CLEC3B: variants seen among roughly 807,000 people sequenced by gnomAD.
The protein encoded by CLEC3B is tetranectin.
In CLEC3B, 13 loss-of-function variants were observed where a neutral mutation model predicts 15.4. That is an observed-to-expected ratio of 0.84 (90% CI 0.55 to 1.34). The LOEUF is 1.34. Among genes scored for constraint, CLEC3B ranks in the 40% most tolerant of loss-of-function variants. The probability of loss-of-function intolerance (pLI) is 0.00; values close to 1 mark genes in which losing one functional copy is unlikely to be tolerated. For synonymous variants in CLEC3B, 112 were observed against 114.7 expected, an observed-to-expected ratio of 0.98 and a Z score of 0.15; for missense variants, 242 against 268.6, an observed-to-expected ratio of 0.90 and a Z score of 0.69.
intron 1 of CLEC3B, among the ~76,000 whole-genome samples, chr3:45,027,453 TC>T (rs1050729928): frequency 2.6e-5 from 4 of 152,182 alleles, no homozygotes; most frequent in African/African-American, 9.7e-5. Context: ...GATAAAAAAA[TC>T]ATCTTCAAGA....
At chr3:45,030,102 T>G in intron 1 of CLEC3B, 194 of 869,400 alleles carry the variant, frequency 2.2e-4, no homozygotes, top group Non-Finnish European at 2.4e-4. Flanking sequence ...GGGTTGATTA[T>G]GAGCATCACA....
At chr3:45,031,624 G>A (rs1559759432) in intron 2 of CLEC3B, among the ~76,000 whole-genome samples, 1 of 152,172 alleles carries the variant, frequency 6.6e-6, no homozygotes, top group East Asian at 1.9e-4. Context: ...AGCTGAGGGA[G>A]GGTGCACAGA....
At chr3:45,031,184 C>T (rs1184296229) in intron 2 of CLEC3B, among the ~76,000 whole-genome samples, 2 of 152,212 alleles carry the variant, frequency 1.3e-5, no homozygotes, top group African/African-American at 4.8e-5. Flanking sequence ...GTGGGGATGT[C>T]CCAAGAGGAC....
intron 2 of CLEC3B, among the ~76,000 whole-genome samples, chr3:45,034,165 C>A (rs1314513564): frequency 6.6e-6 from 1 of 152,208 alleles, no homozygotes. Context: ...GCATTCCTGG[C>A]AGCCAGGGCA....
chr3:45,035,966 G>A lies in CLEC3B; in HGVS notation c.*42G>A, dbSNP rs8318. ...CGTGGGGGGCCTGGAGGAGGGCAGG[G>A]GCCGCGGGAGGCCGGGAGGAGGGTG... On this transcript the variant is annotated 3_prime_UTR_variant, in exon 3 of 3. Transcript: ENST00000296130. The A allele has an allele frequency of 0.45, 672,767 of 1,510,370 alleles. 156,602 individuals are homozygous for A. Among genetic ancestry groups the A allele is most frequent in the East Asian group, 0.84 (35,710 of 42,728 alleles). 93.6% of individuals were successfully genotyped at this position (1,510,370 alleles called of 1,614,324 possible). A position where few individuals can be genotyped will look rare whatever the true frequency, so the allele number is the denominator to read the frequency against.
intron 1 of CLEC3B, among the ~76,000 whole-genome samples, 155 bp from the exon 2 acceptor site, chr3:45,030,672 G>T (rs547796522): frequency 1.2e-3 from 184 of 152,356 alleles, no homozygotes; most frequent in Non-Finnish European, 2.1e-3. Flanking sequence ...GTCACAAGTG[G>T]TTAATTAGAC....
rs532854589 is a variant in CLEC3B at position 45,028,188 on chromosome 3, C to T, written c.109+1717C>T. Among the ~76,000 whole-genome samples, 16 of 152,330 alleles carry T rather than the reference C, an allele frequency of 1.1e-4. No homozygotes were observed. The South Asian group carries it at 2.1e-3, about 20-fold the overall frequency. On this transcript the variant is annotated intron_variant, in intron 1 of 2. Transcript: ENST00000296130. ...TGCTGGACACACAGCAGAGAAACAC[C>T]GTCTCTGCTCTTAAGACATGAACCA...
At chr3:45,028,429 A>T (rs1228876400) in intron 1 of CLEC3B, among the ~76,000 whole-genome samples, 3 of 152,122 alleles carry the variant, frequency 2.0e-5, no homozygotes, top group Non-Finnish European at 4.4e-5. Context: ...GATGGTGTAC[A>T]CGTGTAGTCC....
At chr3:45,035,469 C>A (rs1395650534) in intron 2 of CLEC3B, 55 bp from the exon 3 acceptor site, 97 of 1,549,976 alleles carry the variant, frequency 6.3e-5, no homozygotes, top group Non-Finnish European at 8.0e-5. Context: ...GCGGTTGGCT[C>A]TTTGCCTGGG....
intron 1 of CLEC3B, chr3:45,030,068 G>T: frequency 1.6e-6 from 1 of 641,884 alleles, no homozygotes; most frequent in Non-Finnish European, 1.9e-6. Flanking sequence ...TGGTGGTACA[G>T]AATGACACGT....
rs768728533 is a variant in CLEC3B at position 45,035,937 on chromosome 3, G to C, written c.*13G>C. The C allele has an allele frequency of 6.4e-7, 1 of 1,566,218 alleles. No individual in the cohort carries two copies. The highest frequency in any genetic ancestry group is 8.6e-7 in the Non-Finnish European group (1 of 1,156,466). ...CGGGATCGTGTAGCCGGCGGGGCGG[G>C]GGCCGTGGGGGGCCTGGAGGAGGGC... On this transcript the variant is annotated 3_prime_UTR_variant, in exon 3 of 3. Transcript: ENST00000296130.
intron 1 of CLEC3B, among the ~76,000 whole-genome samples, chr3:45,028,974 A>G (rs1697519546): frequency 6.6e-6 from 1 of 152,208 alleles, no homozygotes; most frequent in Non-Finnish European, 1.5e-5. Context: ...GAAGCTCCGG[A>G]GGGAAGGATG....
chr3:45,028,196 C>G (rs1697509428), intron 1 of CLEC3B, among the ~76,000 whole-genome samples: 2 of 152,222 alleles, frequency 1.3e-5, no homozygotes, highest in South Asian at 4.1e-4. Context: ...ACCGTCTCTG[C>G]TCTTAAGACA....
intron 2 of CLEC3B, among the ~76,000 whole-genome samples, chr3:45,035,290 G>C (rs1697621526): frequency 6.6e-6 from 1 of 152,196 alleles, no homozygotes. Flanking sequence ...TCCCAGCCGC[G>C]GGAGCACCAA....
At position 45,030,818 on chromosome 3, in the gene CLEC3B, CT is replaced by C; in HGVS notation, c.110-8del. The C allele has an allele frequency of 6.4e-7, 1 of 1,574,622 alleles. No individual in the cohort carries two copies. The highest frequency in any genetic ancestry group is 8.6e-7 in the Non-Finnish European group (1 of 1,158,564). On this transcript the variant is annotated splice_region_variant and splice_polypyrimidine_tract_variant and intron_variant, in intron 1 of 2. Transcript: ENST00000296130. ...CTGCCCCACCCTGACATATTTCCTC[CT>C]GCTTCAGATGTTGTGAACACAAAGA...
chr3:45,035,795 G>C lies in CLEC3B; in HGVS notation c.480G>C (p.Glu160Asp), dbSNP rs746511761. The C allele has an allele frequency of 6.2e-7, 1 of 1,613,582 alleles. No individual in the cohort carries two copies. The highest frequency in any genetic ancestry group is 8.5e-7 in the Non-Finnish European group (1 of 1,179,968). The change falls in exon 3 of 3, where the codon GAG becomes GAC. Residue 160 changes from glutamate to aspartate, a missense_variant. Physicochemically the swap from Glu to Asp is conservative, Grantham distance 45. Transcript: ENST00000296130. ...ARIAYKNWET[E>D]ITAQPDGGKT... is the part of the protein sequence containing the mutation. ...TCGCCTACAAGAACTGGGAGACTGA[G>C]ATCACCGCGCAACCCGATGGCGGCA...
At chr3:45,034,212 C>T (rs1697604738) in intron 2 of CLEC3B, among the ~76,000 whole-genome samples, 1 of 152,152 alleles carries the variant, frequency 6.6e-6, no homozygotes, top group African/African-American at 2.4e-5. Context: ...CTAGGTAGCA[C>T]GTCAGTGTTA....
chr3:45,029,176 G>C (rs1457240007), intron 1 of CLEC3B, among the ~76,000 whole-genome samples: 1 of 152,232 alleles, frequency 6.6e-6, no homozygotes, highest in African/African-American at 2.4e-5. Context: ...GTAGCTTCCT[G>C]TACCTTGGAC....
chr3:45,028,119 C>T (rs1263375803), intron 1 of CLEC3B, among the ~76,000 whole-genome samples: 1 of 152,184 alleles, frequency 6.6e-6, no homozygotes, highest in Non-Finnish European at 1.5e-5. Context: ...ACCAACATGG[C>T]AGGCACTTAT....
Sources: gnomAD v4.1 joint callset for allele counts (sites outside exome capture counted in the v4.1 genomes callset) on GRCh38, gnomAD v4.1.1 for gene constraint, MANE v1.5 for transcripts, NCBI Gene and HGNC (gene_info 2026-07-23, HGNC 2026-07-21) for gene names.